SGCZ: variants seen among roughly 807,000 people sequenced by gnomAD.
The protein encoded by SGCZ is sarcoglycan zeta.
Under a neutral mutation model 41.3 loss-of-function variants are expected in SGCZ, and 40 were observed. The observed-to-expected ratio is 0.97, with a 90% CI of 0.75 to 1.26. The LOEUF (loss-of-function observed/expected upper bound fraction) is 1.26. Among genes scored for constraint, SGCZ ranks in the 50% most tolerant of loss-of-function variants. SGCZ has a pLI of 0.00. For missense variants in SGCZ, 552 were observed against 369.8 expected (o/e 1.49, Z -4.04); for synonymous variants, 206 against 137.5 (o/e 1.50, Z -3.49).
At position 14,088,657 on chromosome 8, in the gene SGCZ, T is replaced by C. The variant is rs1157834444; in HGVS notation, c.*1786A>G. Among the ~76,000 whole-genome samples the C allele has an allele frequency of 1.3e-5, 2 of 151,894 alleles. No individual in the cohort carries two copies. Among genetic ancestry groups the C allele is most frequent in the African/African-American group, 4.8e-5 (2 of 41,420 alleles). ...AAAAAGTTATATAATAACACCCAAA[T>C]ATAATCACATTTTATTTTAACAGTA... On this transcript the variant is annotated 3_prime_UTR_variant, in exon 8 of 8. Coordinates refer to ENST00000382080, the MANE Select transcript of SGCZ (RefSeq NM_139167.4).
chr8:14,102,641 C>T, intron 6 of SGCZ, 142 bp from the exon 7 acceptor site: 1 of 736,106 alleles, frequency 1.4e-6, no homozygotes, highest in Non-Finnish European at 1.8e-6. Context: ...AAAAGTCCTA[C>T]CATTTTAGGC....
chr8:14,943,946 T>C (rs1800360871), intron 1 of SGCZ, among the ~76,000 whole-genome samples: 1 of 152,192 alleles, frequency 6.6e-6, no homozygotes, highest in African/African-American at 2.4e-5. Flanking sequence ...TGCCATGGTA[T>C]ATTACATTTC....
At chr8:15,054,727 G>A (rs1357058132) in intron 1 of SGCZ, among the ~76,000 whole-genome samples, 15 of 151,928 alleles carry the variant, frequency 9.9e-5, no homozygotes, top group Non-Finnish European at 1.5e-5. Flanking sequence ...GGCTGAGGCG[G>A]GCAGACCACG....
intron 1 of SGCZ, among the ~76,000 whole-genome samples, chr8:14,781,457 G>A (rs934087966): frequency 1.4e-4 from 21 of 152,128 alleles, no homozygotes; most frequent in African/African-American, 4.1e-4. Context: ...TCAAACCCCT[G>A]GACTCAAGCA....
intron 1 of SGCZ, among the ~76,000 whole-genome samples, chr8:15,075,497 T>G (rs1805498478): frequency 6.6e-6 from 1 of 152,104 alleles, no homozygotes; most frequent in African/African-American, 2.4e-5. Flanking sequence ...AAAGAAGCAT[T>G]GTGGTTCCAG....
In SGCZ at chr8:14,945,137, T is replaced by A. The variant is rs933729813; in HGVS notation, c.39+292448A>T. Reference sequence around the variant, plus strand: ...AGAGACTTAAAAACAGGAGCTGACATGGTTAGGCAATGTTGTGTGTGGGTG... The same window carrying A: ...AGAGACTTAAAAACAGGAGCTGACAAGGTTAGGCAATGTTGTGTGTGGGTG... On this transcript the variant is annotated intron_variant, in intron 1 of 7. Transcript: ENST00000382080. 8.6e-5 allele frequency among the ~76,000 whole-genome samples: 8 copies of A among 92,710 alleles called. No homozygotes were observed. The South Asian group carries it at 3.4e-3, about 39-fold the overall frequency. The allele number at this position is 92,710 out of a possible 152,430, so 60.8% of individuals were successfully genotyped here. A position where few individuals can be genotyped will look rare whatever the true frequency, so the allele number is the denominator to read the frequency against.
intron 1 of SGCZ, among the ~76,000 whole-genome samples, chr8:15,069,768 T>C (rs1805285044): frequency 6.6e-6 from 1 of 152,218 alleles, no homozygotes; most frequent in Non-Finnish European, 1.5e-5. Flanking sequence ...CACAATATTC[T>C]AGATTACTCA....
intron 7 of SGCZ, 144 bp downstream of exon 7, chr8:14,102,232 C>G: frequency 3.2e-6 from 3 of 927,776 alleles, no homozygotes; most frequent in Non-Finnish European, 4.3e-6. Flanking sequence ...ATATGGTAAC[C>G]TAATATTACT....
At chr8:14,717,534 C>T (rs1283261279) in intron 1 of SGCZ, among the ~76,000 whole-genome samples, 4 of 152,114 alleles carry the variant, frequency 2.6e-5, no homozygotes, top group Non-Finnish European at 5.9e-5. Context: ...AGAGTTCTGT[C>T]CATTCTCTCT....
intron 1 of SGCZ, among the ~76,000 whole-genome samples, chr8:15,155,044 C>T (rs533653165): frequency 6.6e-6 from 1 of 152,270 alleles, no homozygotes; most frequent in Admixed American, 6.5e-5. Flanking sequence ...GAGATCCCAG[C>T]ACTTTGGGAG....
intron 1 of SGCZ, among the ~76,000 whole-genome samples, chr8:14,631,690 C>A (rs1239487199): frequency 6.6e-6 from 1 of 152,100 alleles, no homozygotes; most frequent in Non-Finnish European, 1.5e-5. Flanking sequence ...CTGACATTGA[C>A]TCTCATGGTG....
At chr8:15,042,062 G>T (rs1318638969) in intron 1 of SGCZ, among the ~76,000 whole-genome samples, 1 of 151,806 alleles carries the variant, frequency 6.6e-6, no homozygotes, top group African/African-American at 2.4e-5. Context: ...TTTTTTGCAG[G>T]AAATGCTCAT....
chr8:15,129,432 T>C (rs185548106), intron 1 of SGCZ, among the ~76,000 whole-genome samples: 275 of 152,286 alleles, frequency 1.8e-3, no homozygotes, highest in Non-Finnish European at 3.2e-3. Flanking sequence ...ATCTAGAAAG[T>C]AACATCCAAA....
At chr8:15,047,741 CATT>C (rs1804364397) in intron 1 of SGCZ, among the ~76,000 whole-genome samples, 1 of 151,976 alleles carries the variant, frequency 6.6e-6, no homozygotes, top group Admixed American at 6.6e-5. Context: ...TCTATAGCTG[CATT>C]AACAAGCTTT....
At chr8:14,472,965 C>T (rs1324536528) in intron 2 of SGCZ, among the ~76,000 whole-genome samples, 3 of 152,026 alleles carry the variant, frequency 2.0e-5, no homozygotes, top group South Asian at 2.1e-4. Flanking sequence ...CTGCAAGACC[C>T]GGTTGGTGTT....
intron 4 of SGCZ, among the ~76,000 whole-genome samples, chr8:14,235,137 T>G (rs1032068295): frequency 2.6e-5 from 4 of 152,104 alleles, no homozygotes; most frequent in African/African-American, 7.2e-5. Flanking sequence ...GAAAACGGAG[T>G]GTCCAAAAGA....
intron 1 of SGCZ, among the ~76,000 whole-genome samples, chr8:15,186,241 A>C: frequency 7.5e-6 from 1 of 133,756 alleles, no homozygotes; most frequent in South Asian, 2.4e-4. Context: ...CAGCCTGGGC[A>C]ACAGAGGGAA....
At chr8:14,719,320 G>A (rs1376735443) in intron 1 of SGCZ, among the ~76,000 whole-genome samples, 1 of 150,126 alleles carries the variant, frequency 6.7e-6, no homozygotes, top group Non-Finnish European at 1.5e-5. Flanking sequence ...ACATACGTGT[G>A]CATGTGTCTT....
At chr8:14,828,006 T>C (rs1424504816) in intron 1 of SGCZ, among the ~76,000 whole-genome samples, 2 of 152,236 alleles carry the variant, frequency 1.3e-5, no homozygotes, top group Non-Finnish European at 1.5e-5. Flanking sequence ...GTACTACTTG[T>C]TTAACATGTC....
Sources: allele counts gnomAD v4.1 joint callset (sites outside exome capture counted in the v4.1 genomes callset), GRCh38; gene constraint gnomAD v4.1.1; transcripts MANE v1.5; gene names NCBI Gene and HGNC (gene_info 2026-07-23, HGNC 2026-07-21).